The following XPO4 variants were observed in gnomAD, a reference collection of about 807,000 sequenced individuals.
The protein encoded by XPO4 is exportin-4.
Under a neutral mutation model 143.0 loss-of-function variants are expected in XPO4, and 39 were observed. That is an observed-to-expected ratio of 0.27 (90% CI 0.21 to 0.36). XPO4 has a LOEUF of 0.36. Among genes scored for constraint, XPO4 ranks in the 10% least tolerant of loss-of-function variants. The pLI is 1.00. For missense variants in XPO4, 907 were observed against 1,348.0 expected, an observed-to-expected ratio of 0.67 and a Z score of 5.12; for synonymous variants, 439 against 474.0, an observed-to-expected ratio of 0.93 and a Z score of 0.96.
At chr13:20,786,912 C>G in intron 22 of XPO4, 53 bp downstream of exon 22, 1 of 1,463,712 alleles carries the variant, frequency 6.8e-7, no homozygotes, top group Admixed American at 2.3e-5. Flanking sequence ...TCTCAACAAT[C>G]TCTTTGCAAA....
At chr13:20,862,987 A>G (rs2060215593) in intron 2 of XPO4, 129 bp from the exon 3 acceptor site, 4 of 1,479,824 alleles carry the variant, frequency 2.7e-6, no homozygotes, top group Non-Finnish European at 2.7e-6. Context: ...TTTTTTATCC[A>G]GTGACCTTGC....
chr13:20,850,408 A>G (rs2060072383), intron 4 of XPO4: 3 of 347,992 alleles, frequency 8.6e-6, no homozygotes, highest in African/African-American at 6.6e-5. Context: ...ATCCAAAATC[A>G]GTGTTCTATT....
chr13:20,841,088 T>C (rs1029391819), intron 6 of XPO4, among the ~76,000 whole-genome samples: 2 of 152,226 alleles, frequency 1.3e-5, no homozygotes, highest in Non-Finnish European at 2.9e-5. Context: ...ACCAACTGTA[T>C]TTTCCCTTAA....
At chr13:20,865,600 A>G in intron 2 of XPO4, 1 of 961,758 alleles carries the variant, frequency 1.0e-6, no homozygotes, top group Non-Finnish European at 1.2e-6. Context: ...GAATTTTGTC[A>G]GCCATCTGAA....
intron 3 of XPO4, among the ~76,000 whole-genome samples, chr13:20,860,667 A>C (rs1025490286): frequency 6.6e-6 from 1 of 152,216 alleles, no homozygotes; most frequent in Non-Finnish European, 1.5e-5. Context: ...AAATATGGTC[A>C]AATAAAAACA....
At position 20,782,247 on chromosome 13, in the gene XPO4, T is replaced by C. The variant is rs575245206; in HGVS notation, c.*1475A>G. 2.0e-5 allele frequency: 3 copies of C among 152,348 alleles called. No homozygotes were observed. The highest frequency in any genetic ancestry group is 3.9e-4 in the East Asian group (2 of 5,186). 9.4% of individuals were successfully genotyped at this position (152,348 alleles called of 1,614,324 possible). ...CGTATTTGCAGAATGGTTTAATAGA[T>C]AGGTGTCAGGAACATGGTGGAAGCA... is the stretch of plus-strand genomic sequence containing the variant. On this transcript the variant is annotated 3_prime_UTR_variant, in exon 23 of 23. Transcript: ENST00000255305.
rs2059399323 is a variant in XPO4, at chr13:20,799,153, C to T, written c.2322+12G>A. ...CACAAAAGGGTGCAATCAAAATAGA[C>T]AGCACTGTTACCTCTGTCCAATACT... On this transcript the variant is annotated intron_variant, in intron 16 of 22. Transcript: ENST00000255305. 1 of 1,567,732 alleles carries T rather than the reference C, an allele frequency of 6.4e-7. No homozygotes were observed. The highest frequency in any genetic ancestry group is 2.3e-5 in the East Asian group (1 of 44,276).
At chr13:20,815,863 A>C (rs980947094) in intron 9 of XPO4, among the ~76,000 whole-genome samples, 2 of 152,214 alleles carry the variant, frequency 1.3e-5, no homozygotes, top group Non-Finnish European at 2.9e-5. Context: ...AAAGTGCCCA[A>C]AACACTGGCT....
At chr13:20,792,600 AGC>A (rs915266989) in intron 18 of XPO4, among the ~76,000 whole-genome samples, 1 of 151,594 alleles carries the variant, frequency 6.6e-6, no homozygotes, top group African/African-American at 2.4e-5. Context: ...CAAACAAATT[AGC>A]CAGGCCTGGT....
chr13:20,808,593 G>T lies in XPO4; in HGVS notation c.1494-12C>A. ...TTTCTTCTAATAAACTAAAAGAGAA[G>T]AAAACAGTAGCTTCATAAAGTTCAA... On this transcript the variant is annotated splice_polypyrimidine_tract_variant and intron_variant, in intron 11 of 22. Transcript: ENST00000255305. 1.3e-6 allele frequency: 2 copies of T among 1,528,896 alleles called. No homozygotes were observed. The highest frequency in any genetic ancestry group is 1.3e-5 in the South Asian group (1 of 77,972). The allele number at this position is 1,528,896 out of a possible 1,614,324, so 94.7% of individuals were successfully genotyped here.
intron 21 of XPO4, 27 bp downstream of exon 21, chr13:20,787,454 T>A: frequency 6.3e-7 from 1 of 1,598,130 alleles, no homozygotes; most frequent in Non-Finnish European, 8.6e-7. Flanking sequence ...GTAGCTGATT[T>A]TCTGACCTAC....
In XPO4 at chr13:20,803,713, C is replaced by G. The variant is rs74477742; in HGVS notation, c.1818-2723G>C. Reference sequence around the variant, plus strand: ...CTCCCTGCCTCTCCACCCTCATCCCCCCACCAAAGCTATCGCCCTGCCCTC... The same window carrying G: ...CTCCCTGCCTCTCCACCCTCATCCCGCCACCAAAGCTATCGCCCTGCCCTC... On this transcript the variant is annotated intron_variant, in intron 13 of 22. Transcript: ENST00000255305. This position sits in a 1 kb window ranked among gnomAD's most constrained non-coding sequence, Gnocchi z 4.1. 2.1e-3 allele frequency among the ~76,000 whole-genome samples: 323 copies of G among 152,278 alleles called. No homozygotes were observed. The highest frequency in any genetic ancestry group is 3.1e-3 in the Non-Finnish European group (214 of 68,020).
At chr13:20,884,718 T>G (rs1258384884) in intron 1 of XPO4, among the ~76,000 whole-genome samples, 1 of 151,868 alleles carries the variant, frequency 6.6e-6, no homozygotes, top group South Asian at 2.1e-4. Context: ...TGGCCAAGTA[T>G]TGTATTTTTA....
rs1566562754 is a variant in XPO4 at position 20,796,850 on chromosome 13, CT to C, written c.2529del (p.Val844PhefsTer13). On this transcript the variant is annotated frameshift_variant, in exon 17 of 23. Coordinates refer to ENST00000255305, the MANE Select transcript of XPO4 (RefSeq NM_022459.5). LOFTEE classifies it high-confidence loss of function. ...DFLTNCIGLM[E>X]VYKNTPETVN... ...ACAGTCTCTGGGGTATTCTTGTAAA[CT>C]TCCATCAATCCAATGCAATTGGTAA... 6.2e-7 allele frequency: 1 copy of C among 1,614,064 alleles called. No homozygotes were observed. Among genetic ancestry groups the C allele is most frequent in the Non-Finnish European group, 8.5e-7 (1 of 1,179,992 alleles).
At chr13:20,870,305 C>T (rs554533985) in intron 1 of XPO4, among the ~76,000 whole-genome samples, 66 of 151,110 alleles carry the variant, frequency 4.4e-4, no homozygotes, top group African/African-American at 1.3e-3. Context: ...GTGGTGCACA[C>T]CTGTAAATCC....
chr13:20,803,879 A>C lies in XPO4; in HGVS notation c.1818-2889T>G, dbSNP rs2763001. On this transcript the variant is annotated intron_variant, in intron 13 of 22. Coordinates refer to ENST00000255305, the MANE Select transcript of XPO4 (RefSeq NM_022459.5). The surrounding 1 kb of genome is among the most constrained non-coding windows in gnomAD (Gnocchi z 4.1). ...GGGACCTGACGGCTGCATTCCCAGA[A>C]AATCAGGCATTCCCTATTCTCTAGA... Among the ~76,000 whole-genome samples the C allele has an allele frequency of 0.24, 36,794 of 151,962 alleles. 6,062 individuals are homozygous for C. The highest frequency in any genetic ancestry group is 0.8 in the East Asian group (4,121 of 5,152).
At chr13:20,884,995 C>T (rs1199242125) in intron 1 of XPO4, among the ~76,000 whole-genome samples, 2 of 151,974 alleles carry the variant, frequency 1.3e-5, no homozygotes, top group Non-Finnish European at 2.9e-5. Context: ...CGGAGTTTCC[C>T]TCTTGTTGCC....
intron 1 of XPO4, among the ~76,000 whole-genome samples, chr13:20,891,419 A>AC (rs1234522355): frequency 1.3e-5 from 2 of 152,262 alleles, no homozygotes; most frequent in Admixed American, 6.5e-5. Context: ...TTGATACATT[A>AC]AAGTACAAAA....
chr13:20,830,006 A>T (rs10162102), intron 6 of XPO4, among the ~76,000 whole-genome samples: 14,435 of 152,236 alleles, frequency 0.095, 837 homozygotes, highest in Non-Finnish European at 0.13. Flanking sequence ...AGTTTTATTT[A>T]AAAAGGGTTT....
Sources: gnomAD v4.1 joint callset for allele counts (sites outside exome capture counted in the v4.1 genomes callset) on GRCh38, gnomAD v4.1.1 for gene constraint, Gnocchi (gnomAD v3.1) non-coding constraint, MANE v1.5 for transcripts, NCBI Gene and HGNC (gene_info 2026-07-23, HGNC 2026-07-21) for gene names.